PRPSAP1: variants seen among roughly 807,000 people sequenced by gnomAD.
PRPSAP1 encodes the protein phosphoribosyl pyrophosphate synthetase associated protein 1, also known as phosphoribosyl pyrophosphate synthase-associated protein 1.
PRPSAP1 carries 31 observed loss-of-function variants against 39.4 expected under a neutral mutation model. That is an observed-to-expected ratio of 0.79 (90% CI 0.59 to 1.06). PRPSAP1 has a LOEUF of 1.06. Ranked by LOEUF, PRPSAP1 falls within the 50% of genes least tolerant of loss-of-function variation. PRPSAP1 has a pLI of 0.00. For synonymous variants in PRPSAP1, 212 were observed against 192.6 expected (o/e 1.10, Z -0.83); for missense variants, 430 against 511.6 (o/e 0.84, Z 1.54).
At chr17:76,320,844 C>T (rs750147607) in intron 7 of PRPSAP1, among the ~76,000 whole-genome samples, 77 of 150,986 alleles carry the variant, frequency 5.1e-4, no homozygotes, top group Non-Finnish European at 9.7e-4. Flanking sequence ...TGCAGTGGTG[C>T]GATCTCGGCT....
At chr17:76,350,497 G>A (rs778803103) in intron 1 of PRPSAP1, among the ~76,000 whole-genome samples, 10 of 151,994 alleles carry the variant, frequency 6.6e-5, no homozygotes, top group Non-Finnish European at 1.0e-4. Flanking sequence ...CCTTGGACAA[G>A]GTATGCTGAG....
At position 76,344,529 on chromosome 17, in the gene PRPSAP1, T is replaced by C. The variant is rs527612885; in HGVS notation, c.290+142A>G. ...ATCCGCCCACCTCGGCCTCCCAAAG[T>C]GTTGGCATAACAGGCGTGAGCCACA... On this transcript the variant is annotated intron_variant, in intron 3 of 9. Transcript: ENST00000446526. 2.6e-5 allele frequency: 18 copies of C among 703,070 alleles called. No homozygotes were observed. In the Admixed American group the frequency reaches 4.3e-4, roughly 17 times the overall value. 43.6% of individuals were successfully genotyped at this position (703,070 alleles called of 1,614,324 possible).
intron 6 of PRPSAP1, 98 bp from the exon 7 acceptor site, chr17:76,328,960 T>G: frequency 7.4e-7 from 1 of 1,354,468 alleles, no homozygotes; most frequent in Non-Finnish European, 1.0e-6. Flanking sequence ...ATTTAACGTT[T>G]CAGGGACATA....
chr17:76,342,684 T>C (rs2071452134), intron 3 of PRPSAP1, among the ~76,000 whole-genome samples: 1 of 147,936 alleles, frequency 6.8e-6, no homozygotes, highest in Non-Finnish European at 1.5e-5. Context: ...TGTCACTGCA[T>C]TCCTGCATGA....
At chr17:76,345,092 G>A (rs927094231) in intron 2 of PRPSAP1, among the ~76,000 whole-genome samples, 7 of 151,770 alleles carry the variant, frequency 4.6e-5, no homozygotes, top group African/African-American at 1.2e-4. Context: ...AAAATTAGCC[G>A]GGCGTGGTGG....
At chr17:76,327,457 A>G (rs979322917) in intron 7 of PRPSAP1, among the ~76,000 whole-genome samples, 1 of 152,158 alleles carries the variant, frequency 6.6e-6, no homozygotes, top group African/African-American at 2.4e-5. Context: ...GATCGAGACC[A>G]TCCTGGCCAA....
intron 7 of PRPSAP1, among the ~76,000 whole-genome samples, chr17:76,327,180 T>C (rs1441484422): frequency 6.6e-6 from 1 of 151,082 alleles, no homozygotes; most frequent in Non-Finnish European, 1.5e-5. Context: ...AAACCCTGTC[T>C]CTACTAAAAA....
intron 7 of PRPSAP1, among the ~76,000 whole-genome samples, chr17:76,317,484 C>G (rs1488173771): frequency 6.6e-6 from 1 of 152,282 alleles, no homozygotes; most frequent in East Asian, 1.9e-4. Flanking sequence ...AGATCGCCCA[C>G]TGCACTCTAG....
intron 3 of PRPSAP1, among the ~76,000 whole-genome samples, chr17:76,340,760 C>T (rs2071427499): frequency 6.6e-6 from 1 of 152,014 alleles, no homozygotes; most frequent in African/African-American, 2.4e-5. Context: ...CGTAGTGGCA[C>T]ATGCCTGTAG....
At chr17:76,343,501 C>G (rs1253923309) in intron 3 of PRPSAP1, among the ~76,000 whole-genome samples, 2 of 152,194 alleles carry the variant, frequency 1.3e-5, no homozygotes, top group African/African-American at 4.8e-5. Flanking sequence ...GGACACTGGC[C>G]TGGGGTCAGT....
intron 3 of PRPSAP1, among the ~76,000 whole-genome samples, chr17:76,344,197 G>A (rs528449599): frequency 6.6e-6 from 1 of 151,502 alleles, no homozygotes; most frequent in Non-Finnish European, 1.5e-5. Context: ...GCGCGATCTC[G>A]GCTCACTGCA....
chr17:76,317,364 A>G lies in PRPSAP1; in HGVS notation c.782-3473T>C, dbSNP rs59028369. On this transcript the variant is annotated intron_variant, in intron 7 of 9. Transcript: ENST00000446526. ...GACTGTCTCAAAGAAAAGAAAGAAA[A>G]AAAAAAATCAACAGTCAGGCATGGT... 1.0e-2 allele frequency among the ~76,000 whole-genome samples: 1,516 copies of G among 151,742 alleles called. 21 individuals are homozygous for G. The highest frequency in any genetic ancestry group is 0.034 in the African/African-American group (1,425 of 41,364).
intron 8 of PRPSAP1, chr17:76,313,250 T>C: frequency 4.8e-6 from 2 of 413,778 alleles, no homozygotes; most frequent in Non-Finnish European, 8.5e-6. Context: ...ACATTACGGC[T>C]GGAGCTGAGG....
At chr17:76,320,473 G>A (rs1363033981) in intron 7 of PRPSAP1, among the ~76,000 whole-genome samples, 1 of 122,554 alleles carries the variant, frequency 8.2e-6, no homozygotes. Flanking sequence ...TGCCCAGGTT[G>A]GAGTGCAGTG....
At chr17:76,319,801 A>AG (rs1471444065) in intron 7 of PRPSAP1, among the ~76,000 whole-genome samples, 1 of 152,196 alleles carries the variant, frequency 6.6e-6, no homozygotes. Flanking sequence ...TAAAGGTATA[A>AG]GGGCTCCTTG....
At chr17:76,354,152 C>T, upstream of PRPSAP1, 1 of 993,726 alleles carries the variant, frequency 1.0e-6, no homozygotes. Flanking sequence ...AACTTTTTGG[C>T]CAGGACCCAA....
chr17:76,316,875 G>A (rs1390732961), intron 7 of PRPSAP1, among the ~76,000 whole-genome samples: 3 of 152,152 alleles, frequency 2.0e-5, no homozygotes, highest in Admixed American at 1.3e-4. Flanking sequence ...CCTTACGCAC[G>A]CTTCCATCAC....
chr17:76,353,884 A>G lies in PRPSAP1; in HGVS notation c.-181T>C. On this transcript the variant is annotated 5_prime_UTR_variant, in exon 1 of 10. Coordinates refer to ENST00000446526, the MANE Select transcript of PRPSAP1 (RefSeq NM_002766.3). ...CTGACTACAGCGGCCGAGCCTTCGC[A>G]GCGCCCGGCGCCGCCGCCTCAGAGC... 1.5e-6 allele frequency: 2 copies of G among 1,327,196 alleles called. No homozygotes were observed. The highest frequency in any genetic ancestry group is 1.9e-6 in the Non-Finnish European group (2 of 1,043,752). 82.2% of individuals were successfully genotyped at this position (1,327,196 alleles called of 1,614,324 possible).
At chr17:76,345,402 G>C (rs1464533568) in intron 2 of PRPSAP1, among the ~76,000 whole-genome samples, 2 of 151,884 alleles carry the variant, frequency 1.3e-5, no homozygotes, top group African/African-American at 4.8e-5. Flanking sequence ...GGGAGGCAGA[G>C]CTTGCAGTGA....
Sources: gnomAD v4.1 joint callset for allele counts (sites outside exome capture counted in the v4.1 genomes callset) on GRCh38, gnomAD v4.1.1 for gene constraint, MANE v1.5 for transcripts, NCBI Gene and HGNC (gene_info 2026-07-23, HGNC 2026-07-21) for gene names.